The following ZNF727 variants were observed in gnomAD, a reference collection of about 807,000 sequenced individuals.
ZNF727 encodes the protein zinc finger protein 727, also known as putative zinc finger protein 727.
ZNF727 carries 11 observed loss-of-function variants against 11.5 expected under a neutral mutation model. That is an observed-to-expected ratio of 0.95 (90% CI 0.60 to 1.58). The LOEUF (loss-of-function observed/expected upper bound fraction) is 1.58, where lower values mean the gene tolerates loss of function less well. ZNF727 is among the 40% of genes most tolerant of loss of function. ZNF727 has a pLI of 0.00. For synonymous variants in ZNF727, 171 were observed against 196.1 expected (o/e 0.87, Z 1.07); for missense variants, 533 against 581.7 (o/e 0.92, Z 0.86).
intron 1 of ZNF727, among the ~76,000 whole-genome samples, chr7:64,066,153 G>A (rs2116306540): frequency 8.5e-6 from 1 of 117,566 alleles, no homozygotes; most frequent in Admixed American, 9.4e-5. Context: ...AAATAAGAGA[G>A]GACACAAACA....
At chr7:64,060,397 T>C (rs1302693849) in intron 1 of ZNF727, among the ~76,000 whole-genome samples, 3 of 152,204 alleles carry the variant, frequency 2.0e-5, no homozygotes, top group Non-Finnish European at 4.4e-5. Context: ...GAGGCTTTTC[T>C]CTCTTTGGCT....
chr7:64,080,084 AT>A lies in ZNF727; in HGVS notation c.*1542del, dbSNP rs904300290. 1.3e-5 allele frequency among the ~76,000 whole-genome samples: 2 copies of A among 151,106 alleles called. No homozygotes were observed. The highest frequency in any genetic ancestry group is 1.5e-5 in the Non-Finnish European group (1 of 67,804). On this transcript the variant is annotated 3_prime_UTR_variant, in exon 4 of 4. Transcript: ENST00000456806. ...CTTTCTCTCTAGCTGCCTTTAACATATTTTTTTCTCTCATTTTGACCTTGGA... is the reference window on the plus strand; with the variant it reads ...CTTTCTCTCTAGCTGCCTTTAACATATTTTTTCTCTCATTTTGACCTTGGA...
At chr7:64,050,776 ATGTGTGTGTGTG>A (rs10609208) in intron 1 of ZNF727, among the ~76,000 whole-genome samples, 5 of 148,358 alleles carry the variant, frequency 3.4e-5, no homozygotes, top group South Asian at 2.1e-4. Flanking sequence ...ATGCATATGT[ATGTGTGTGTGTG>A]TGTGTGTGTG....
intron 1 of ZNF727, among the ~76,000 whole-genome samples, chr7:64,047,302 CA>C (rs1284932997): frequency 6.6e-6 from 1 of 152,304 alleles, no homozygotes; most frequent in Non-Finnish European, 1.5e-5. Context: ...TATTTAATTT[CA>C]AAACGGACGT....
chr7:64,053,659 A>AT lies in ZNF727; in HGVS notation c.3+8044dup, dbSNP rs1180793221. On this transcript the variant is annotated intron_variant, in intron 1 of 3. Transcript: ENST00000456806. ...TAAAAAGAGAAGTTCCCCTCCACACATTTTTTTTTGTTTTGCCTGCCACCA... is the reference window on the plus strand; with the variant it reads ...TAAAAAGAGAAGTTCCCCTCCACACATTTTTTTTTTGTTTTGCCTGCCACCA... 5.5e-4 allele frequency among the ~76,000 whole-genome samples: 83 copies of AT among 150,424 alleles called. 2 individuals are homozygous for AT. Among genetic ancestry groups the AT allele is most frequent in the Non-Finnish European group, 7.4e-5 (5 of 67,534 alleles).
At position 64,082,111 on chromosome 7, in the gene ZNF727, G is replaced by A. The variant is rs1177234520; in HGVS notation, c.*3562G>A. Reference sequence around the variant, plus strand: ...GAGGTGTGAATAAGGCACTTAGGGTGTTGGATTTTTCATTAGTCTGAGGGT... The same window carrying A: ...GAGGTGTGAATAAGGCACTTAGGGTATTGGATTTTTCATTAGTCTGAGGGT... On this transcript the variant is annotated 3_prime_UTR_variant, in exon 4 of 4. Coordinates refer to ENST00000456806, the MANE Select transcript of ZNF727 (RefSeq NM_001159522.3). Among the ~76,000 whole-genome samples, 4 of 152,158 alleles carry A rather than the reference G, an allele frequency of 2.6e-5. No individual in the cohort carries two copies. Among genetic ancestry groups the A allele is most frequent in the East Asian group, 3.9e-4 (2 of 5,172 alleles).
intron 1 of ZNF727, among the ~76,000 whole-genome samples, chr7:64,068,675 A>G (rs929908035): frequency 2.6e-5 from 4 of 152,138 alleles, no homozygotes; most frequent in African/African-American, 9.7e-5. Context: ...TGTATCATCA[A>G]GAAAAGTATT....
chr7:64,075,309 A>G (rs1442006065), intron 3 of ZNF727, among the ~76,000 whole-genome samples: 1 of 152,112 alleles, frequency 6.6e-6, no homozygotes, highest in Non-Finnish European at 1.5e-5. Context: ...AATAGTAGCT[A>G]TATATTAATG....
At chr7:64,068,665 T>C (rs1789908577) in intron 1 of ZNF727, among the ~76,000 whole-genome samples, 1 of 152,176 alleles carries the variant, frequency 6.6e-6, no homozygotes, top group Non-Finnish European at 1.5e-5. Flanking sequence ...CATTTTATAC[T>C]GTATCATCAA....
chr7:64,061,422 A>C (rs909823790), intron 1 of ZNF727, among the ~76,000 whole-genome samples: 3 of 151,572 alleles, frequency 2.0e-5, no homozygotes, highest in African/African-American at 7.3e-5. Flanking sequence ...TTTATAATAT[A>C]ACTTTTGTTT....
intron 3 of ZNF727, among the ~76,000 whole-genome samples, chr7:64,075,224 A>G (rs1391555523): frequency 6.6e-6 from 1 of 151,850 alleles, no homozygotes; most frequent in Non-Finnish European, 1.5e-5. Flanking sequence ...TACTGTATTT[A>G]TATTGTTTAT....
At chr7:64,048,647 T>TAAA (rs1789546227) in intron 1 of ZNF727, among the ~76,000 whole-genome samples, 1 of 152,226 alleles carries the variant, frequency 6.6e-6, no homozygotes, top group African/African-American at 2.4e-5. Flanking sequence ...ATACGTAACC[T>TAAA]AAAGCAATAT....
At position 64,078,139 on chromosome 7, in the gene ZNF727, G is replaced by A. The variant is rs1390906717; in HGVS notation, c.1090G>A (p.Glu364Lys). The change falls in exon 4 of 4, where the codon GAA (glutamate) becomes AAA (lysine). Residue 364 changes from glutamate to lysine, a missense_variant. Coordinates refer to ENST00000456806, the MANE Select transcript of ZNF727 (RefSeq NM_001159522.3). ...TLISHKRIHM[E>K]LRPYKCEECG... Reference sequence around the variant, plus strand: ...TATTAGCCACAAGAGAATTCATATGGAATTGAGACCTTACAAATGTGAAGA... The same window carrying A: ...TATTAGCCACAAGAGAATTCATATGAAATTGAGACCTTACAAATGTGAAGA... 6.2e-7 allele frequency: 1 copy of A among 1,600,324 alleles called. No homozygotes were observed. Among genetic ancestry groups the A allele is most frequent in the South Asian group, 1.1e-5 (1 of 89,684 alleles).
rs1399453412 is a variant in ZNF727 at position 64,083,001 on chromosome 7, TAA to T, written c.*4453_*4454del. ...TTCAAAGCCAGAAGGCTGGAACAGC[TAA>T]GTCACACAAACAGCAAAAATGGCCG... On this transcript the variant is annotated 3_prime_UTR_variant, in exon 4 of 4. Coordinates refer to ENST00000456806, the MANE Select transcript of ZNF727 (RefSeq NM_001159522.3). 6.6e-6 allele frequency among the ~76,000 whole-genome samples: 1 copy of T among 152,212 alleles called. No individual in the cohort carries two copies. Among genetic ancestry groups the T allele is most frequent in the Admixed American group, 6.5e-5 (1 of 15,288 alleles).
intron 1 of ZNF727, among the ~76,000 whole-genome samples, chr7:64,046,329 C>G (rs763163096): frequency 1.3e-5 from 2 of 152,170 alleles, no homozygotes; most frequent in Non-Finnish European, 2.9e-5. Context: ...ACTGTCGTAG[C>G]CTAAATTGAG....
chr7:64,064,104 A>G (rs1262546287), intron 1 of ZNF727, among the ~76,000 whole-genome samples: 1 of 152,090 alleles, frequency 6.6e-6, no homozygotes, highest in Non-Finnish European at 1.5e-5. Context: ...CTCAGGAGCT[A>G]TCTTGTTACT....
At position 64,078,253 on chromosome 7, in the gene ZNF727, G is replaced by T; in HGVS notation, c.1204G>T (p.Gly402Cys). ...GEKPYKCEEC[G>C]KSFTCSSNLI... ...GAAACCCTACAAATGTGAAGAATGT[G>T]GCAAAAGCTTTACCTGCTCCTCAAA... The change falls in exon 4 of 4, where the codon GGC becomes TGC. Residue 402 changes from glycine (G) to cysteine (C), a missense_variant. Transcript: ENST00000456806. 2.5e-6 allele frequency: 4 copies of T among 1,604,900 alleles called. No individual in the cohort carries two copies. The highest frequency in any genetic ancestry group is 3.4e-6 in the Non-Finnish European group (4 of 1,175,606).
chr7:64,083,597 CTG>C lies in ZNF727; in HGVS notation c.*5054_*5055del, dbSNP rs1403672937. Among the ~76,000 whole-genome samples, 1 of 152,172 alleles carries C rather than the reference CTG, an allele frequency of 6.6e-6. No individual in the cohort carries two copies. The highest frequency in any genetic ancestry group is 6.5e-5 in the Admixed American group (1 of 15,282). On this transcript the variant is annotated 3_prime_UTR_variant, in exon 4 of 4. Coordinates refer to ENST00000456806, the MANE Select transcript of ZNF727 (RefSeq NM_001159522.3). ...TGCTCTGCTGAGACTCCACATAGCT[CTG>C]TGTGTTAAATTGAAGGCCTTGGTGA...
intron 2 of ZNF727, 135 bp downstream of exon 2, chr7:64,069,152 G>A (rs1789918957): frequency 1.1e-6 from 1 of 921,502 alleles, no homozygotes. Context: ...TATCTGTTTA[G>A]GTAGTAAATA....
Sources: gnomAD v4.1 joint callset for allele counts (sites outside exome capture counted in the v4.1 genomes callset) on GRCh38, gnomAD v4.1.1 for gene constraint, MANE v1.5 for transcripts, NCBI Gene and HGNC (gene_info 2026-07-23, HGNC 2026-07-21) for gene names.